The following CFAP58 variants were observed in gnomAD, a reference collection of about 807,000 sequenced individuals.
CFAP58 encodes the protein cilia and flagella associated protein 58, also known as cilia- and flagella-associated protein 58.
CFAP58 carries 88 observed loss-of-function variants against 119.5 expected under a neutral mutation model. The ratio of observed to expected loss-of-function variants is 0.74; its 90% CI spans 0.62 to 0.88. The LOEUF (loss-of-function observed/expected upper bound fraction) is 0.88, where lower values mean the gene tolerates loss of function less well. Among genes scored for constraint, CFAP58 ranks in the 40% least tolerant of loss-of-function variants. CFAP58 has a pLI of 0.00. For missense variants in CFAP58, 990 were observed against 1,021.2 expected (o/e 0.97, Z 0.42); for synonymous variants, 365 against 366.3 (o/e 1.00, Z 0.04).
chr10:104,361,609 A>C (rs1179688429), intron 2 of CFAP58, among the ~76,000 whole-genome samples: 1 of 152,226 alleles, frequency 6.6e-6, no homozygotes, highest in Non-Finnish European at 1.5e-5. Context: ...TAATTTTGCA[A>C]ACCTTGCAGT....
chr10:104,447,715 C>T lies in CFAP58; in HGVS notation c.2274C>T (p.Tyr758=). ...TCCACTAGGAAAAGGAGAAACTCTACATGGAACTAAAGCACGTCTTGGCCC... is the reference window on the plus strand; with the variant it reads ...TCCACTAGGAAAAGGAGAAACTCTATATGGAACTAAAGCACGTCTTGGCCC... The part of the protein sequence containing the change: ...ELLLQEKEKL[Y]MELKHVLARQ... Residue 758 remains tyrosine, a synonymous_variant, in exon 16 of 18, where the codon TAC becomes TAT. Transcript: ENST00000369704. The T allele has an allele frequency of 6.2e-7, 1 of 1,614,122 alleles. No homozygotes were observed. The highest frequency in any genetic ancestry group is 1.1e-5 in the South Asian group (1 of 91,068).
chr10:104,410,122 T>A (rs541720642), intron 15 of CFAP58, among the ~76,000 whole-genome samples: 1 of 152,336 alleles, frequency 6.6e-6, no homozygotes, highest in African/African-American at 2.4e-5. Flanking sequence ...CTTAATTCTT[T>A]GTTTTTCTCT....
At chr10:104,449,010 A>T (rs559212011) in intron 16 of CFAP58, among the ~76,000 whole-genome samples, 50 of 152,332 alleles carry the variant, frequency 3.3e-4, no homozygotes, top group African/African-American at 1.1e-3. Flanking sequence ...TGCTCAAATG[A>T]AATGTGACCC....
chr10:104,362,240 G>A (rs2014677390), intron 3 of CFAP58, 69 bp downstream of exon 3: 1 of 1,368,258 alleles, frequency 7.3e-7, no homozygotes, highest in Non-Finnish European at 9.8e-7. Flanking sequence ...AGACAGCCTG[G>A]GGCTTGCCAG....
the CFAP58 span, among the ~76,000 whole-genome samples, chr10:104,342,451 T>TTC: frequency 6.6e-5 from 10 of 152,178 alleles, no homozygotes; most frequent in Non-Finnish European, 1.5e-4. Flanking sequence ...ATTGGCTTGT[T>TTC]TATGTGTATA....
intron 9 of CFAP58, chr10:104,382,480 G>T: frequency 5.5e-6 from 2 of 366,624 alleles, no homozygotes; most frequent in East Asian, 9.3e-5. Context: ...TATTACTCTG[G>T]ATATAAACCT....
At chr10:104,389,198 A>G (rs2011985194) in intron 9 of CFAP58, among the ~76,000 whole-genome samples, 1 of 152,186 alleles carries the variant, frequency 6.6e-6, no homozygotes, top group Admixed American at 6.5e-5. Flanking sequence ...ACACTTAGAA[A>G]TACATTGCTT....
intron 15 of CFAP58, among the ~76,000 whole-genome samples, chr10:104,415,585 G>A (rs2012538479): frequency 6.6e-6 from 1 of 152,154 alleles, no homozygotes; most frequent in South Asian, 2.1e-4. Context: ...GGCCCTCGCA[G>A]TGTACCAGGC....
Position 104,400,872 on chromosome 10 carries a change from G to C in CFAP58, c.2008G>C (p.Ala670Pro). The change falls in exon 13 of 18, where the codon GCC becomes CCC. Residue 670 changes from alanine to proline, a missense_variant. Ala to Pro is a conservative substitution (Grantham distance 27). Coordinates refer to ENST00000369704, the MANE Select transcript of CFAP58 (RefSeq NM_001008723.2). The part of the protein sequence containing the change: ...KKLRREKGIL[A>P]RSMANVEELR... ...GCTTCGCCGGGAAAAGGGGATTCTT[G>C]CCAGGAGTATGGCTAATGTTGAAGA... is the stretch of plus-strand genomic sequence containing the variant. 6.2e-7 allele frequency: 1 copy of C among 1,614,138 alleles called. No individual in the cohort carries two copies. The highest frequency in any genetic ancestry group is 8.5e-7 in the Non-Finnish European group (1 of 1,180,010).
At chr10:104,445,659 C>T (rs1157240544) in intron 15 of CFAP58, among the ~76,000 whole-genome samples, 1 of 152,130 alleles carries the variant, frequency 6.6e-6, no homozygotes, top group African/African-American at 2.4e-5. Flanking sequence ...GATACCATGT[C>T]TTTGAGCCCC....
chr10:104,357,828 C>CAT (rs1157631919), intron 1 of CFAP58, among the ~76,000 whole-genome samples: 7 of 136,218 alleles, frequency 5.1e-5, no homozygotes, highest in African/African-American at 8.3e-5. Flanking sequence ...CATATATACA[C>CAT]ATATATGTAC....
intron 7 of CFAP58, among the ~76,000 whole-genome samples, chr10:104,375,794 G>A (rs1221614023): frequency 1.3e-5 from 2 of 150,948 alleles, no homozygotes. Context: ...GGGGTCGGGG[G>A]GGGCTTCCAT....
chr10:104,343,806 C>T, the CFAP58 span, among the ~76,000 whole-genome samples: 4 of 152,142 alleles, frequency 2.6e-5, no homozygotes, highest in Non-Finnish European at 5.9e-5. Context: ...GCGGGAGTGA[C>T]GGTCGGCTTC....
chr10:104,404,513 AAATG>A lies in CFAP58; in HGVS notation c.2151+679_2151+682del, dbSNP rs141862300. 3.1e-3 allele frequency among the ~76,000 whole-genome samples: 474 copies of A among 152,392 alleles called. 1 individual carries two copies. Among genetic ancestry groups the A allele is most frequent in the African/African-American group, 0.011 (456 of 41,592 alleles). ...GTGGATGCTAAAAGGGCCTTCGACT[AAATG>A]AATGATCAGGGTATTGGGAGATGTA... is the stretch of plus-strand genomic sequence containing the variant. On this transcript the variant is annotated intron_variant, in intron 14 of 17. Coordinates refer to ENST00000369704, the MANE Select transcript of CFAP58 (RefSeq NM_001008723.2).
At chr10:104,372,714 TTC>T (rs1315376740) in intron 7 of CFAP58, among the ~76,000 whole-genome samples, 2 of 152,216 alleles carry the variant, frequency 1.3e-5, no homozygotes, top group African/African-American at 4.8e-5. Context: ...ATATTTAAAT[TTC>T]TGTTTTTGCT....
intron 15 of CFAP58, among the ~76,000 whole-genome samples, chr10:104,445,322 C>CAAAA (rs762588303): frequency 9.1e-6 from 1 of 110,354 alleles, no homozygotes; most frequent in Non-Finnish European, 1.9e-5. Context: ...GACCCGGTCT[C>CAAAA]AAAAAAAAAA....
chr10:104,386,654 G>A (rs2011931873), intron 9 of CFAP58, among the ~76,000 whole-genome samples: 1 of 152,030 alleles, frequency 6.6e-6, no homozygotes, highest in Non-Finnish European at 1.5e-5. Context: ...TCTTGGGGGC[G>A]AGTCTTATTC....
rs2013258131 is a variant in CFAP58 at position 104,455,004 on chromosome 10, A to G, written c.*474A>G. ...AAAGTGTTTTGAGAATGATTTCTAT[A>G]TGGAATTTCTTTTCAGGCCCGGAAT... On this transcript the variant is annotated 3_prime_UTR_variant, in exon 18 of 18. Coordinates refer to ENST00000369704, the MANE Select transcript of CFAP58 (RefSeq NM_001008723.2). The G allele has an allele frequency of 6.6e-6, 1 of 152,392 alleles. No homozygotes were observed. The highest frequency in any genetic ancestry group is 1.5e-5 in the Non-Finnish European group (1 of 68,150). The allele number at this position is 152,392 out of a possible 1,614,324, so 9.4% of individuals were successfully genotyped here. A position where few individuals can be genotyped will look rare whatever the true frequency, so the allele number is the denominator to read the frequency against.
intron 15 of CFAP58, among the ~76,000 whole-genome samples, chr10:104,444,744 A>G (rs2133094967): frequency 1.3e-5 from 2 of 152,324 alleles, no homozygotes; most frequent in Middle Eastern, 6.8e-3. Flanking sequence ...GAAGCCGGGC[A>G]ATACACATTC....
Sources: allele counts gnomAD v4.1 joint callset (sites outside exome capture counted in the v4.1 genomes callset), GRCh38; gene constraint gnomAD v4.1.1; transcripts MANE v1.5; gene names NCBI Gene and HGNC (gene_info 2026-07-23, HGNC 2026-07-21).